Variants in SP3 observed in about 807,000 individuals in gnomAD.
The protein encoded by SP3 is Sp3 transcription factor, also known as transcription factor Sp3.
SP3 carries 10 observed loss-of-function variants against 70.3 expected under a neutral mutation model. The observed-to-expected ratio is 0.14, with a 90% CI of 0.09 to 0.24. The LOEUF (loss-of-function observed/expected upper bound fraction) is 0.24. SP3 is among the 10% of genes least tolerant of loss of function. The probability of loss-of-function intolerance (pLI) is 1.00; values close to 1 mark genes in which losing one functional copy is unlikely to be tolerated. For synonymous variants in SP3, 402 were observed against 333.5 expected (o/e 1.21, Z -2.24); for missense variants, 825 against 914.6 (o/e 0.90, Z 1.26).
In SP3 at chr2:173,907,603, T is replaced by C. The variant is rs971829583; in HGVS notation, c.*2338A>G. ...TGCATGGACACCTATCGATTCAAAGTACACCATAAACTTACTGTAAAAATC... is the reference window on the plus strand; with the variant it reads ...TGCATGGACACCTATCGATTCAAAGCACACCATAAACTTACTGTAAAAATC... On this transcript the variant is annotated 3_prime_UTR_variant, in exon 7 of 7. Transcript: ENST00000310015. The C allele has an allele frequency of 1.3e-5, 2 of 152,120 alleles. No individual in the cohort carries two copies. Among genetic ancestry groups the C allele is most frequent in the East Asian group, 3.8e-4 (2 of 5,202 alleles). 9.4% of individuals were successfully genotyped at this position (152,120 alleles called of 1,614,324 possible). A position where few individuals can be genotyped will look rare whatever the true frequency, so the allele number is the denominator to read the frequency against.
upstream of SP3, chr2:173,965,570 T>G: frequency 4.7e-6 from 1 of 214,938 alleles, no homozygotes; most frequent in Non-Finnish European, 9.4e-6. Context: ...GCTCGCCGGT[T>G]ACCCCGCTGT....
rs1218625600 is a variant in SP3 at position 173,956,163 on chromosome 2, T to C, written c.349A>G (p.Thr117Ala). The C allele has an allele frequency of 6.2e-7, 1 of 1,614,116 alleles. No homozygotes were observed. The highest frequency in any genetic ancestry group is 8.5e-7 in the Non-Finnish European group (1 of 1,179,974). ...TTACCAGCTTCATCTTTTATAGTTG[T>C]AGGTGTGGCTGACAAAACCTCCCAT... Reference protein sequence around the residue: ...NRWEVLSATPTTIKDEAGNLV... With the variant: ...NRWEVLSATPATIKDEAGNLV... The change falls in exon 4 of 7, where the codon ACA (threonine) becomes GCA (alanine). Residue 117 changes from threonine (T) to alanine (A), a missense_variant. By Grantham distance (58) the Thr-to-Ala change is moderately conservative. Around this residue, in one of 4 missense-constraint regions of SP3, gnomAD observed 678 missense variants for 651.6 expected, o/e 1.04. Coordinates refer to ENST00000310015, the MANE Select transcript of SP3 (RefSeq NM_003111.5).
At position 173,955,266 on chromosome 2, in the gene SP3, T is replaced by C. The variant is rs746253835; in HGVS notation, c.1246A>G (p.Ile416Val). The change falls in exon 4 of 7, where the codon ATT becomes GTT. Residue 416 changes from isoleucine (I) to valine (V), a missense_variant. Transcript: ENST00000310015. ...PTSQAQIVQG[I>V]TPQTIHGVQA... ...ACACCATGGATTGTCTGTGGTGTAA[T>C]ACCTTGCACAATTTGGGCTTGACTG... The C allele has an allele frequency of 2.5e-6, 4 of 1,614,148 alleles. No homozygotes were observed. The highest frequency in any genetic ancestry group is 2.5e-6 in the Non-Finnish European group (3 of 1,180,022).
At chr2:173,942,857 TG>T (rs1475561504) in intron 4 of SP3, among the ~76,000 whole-genome samples, 1 of 152,160 alleles carries the variant, frequency 6.6e-6, no homozygotes, top group Admixed American at 6.5e-5. Context: ...AAATCAAAAA[TG>T]TTTTTTTAAA....
chr2:173,912,568 A>C (rs896545670), intron 6 of SP3, among the ~76,000 whole-genome samples: 18 of 152,202 alleles, frequency 1.2e-4, no homozygotes, highest in African/African-American at 4.1e-4. Flanking sequence ...AACACTATGT[A>C]AAAATAATAT....
Position 173,909,970 on chromosome 2 carries a change from T to C in SP3, c.2317A>G (p.Thr773Ala). The change falls in exon 7 of 7, where the codon ACA (threonine) becomes GCA (alanine). Residue 773 changes from threonine (T) to alanine (A), a missense_variant. Thr to Ala is a moderately conservative substitution (Grantham distance 58). Transcript: ENST00000310015. ...TNTEIPLQLV[T>A]VSGNETME ...TCCATTGTCTCATTTCCAGAAACTG[T>C]GACAAGCTGTAAAGGTATTTCAGTG... 6.2e-7 allele frequency: 1 copy of C among 1,613,826 alleles called. No homozygotes were observed. Among genetic ancestry groups the C allele is most frequent in the Non-Finnish European group, 8.5e-7 (1 of 1,179,718 alleles).
At chr2:173,916,775 T>A (rs1297482057) in intron 5 of SP3, 1 of 152,044 alleles carries the variant, frequency 6.6e-6, no homozygotes, top group Non-Finnish European at 1.5e-5. Context: ...TCTGCCAACT[T>A]ATACAAATAA....
intron 4 of SP3, among the ~76,000 whole-genome samples, chr2:173,952,937 T>G (rs1690755975): frequency 1.3e-5 from 2 of 152,212 alleles, no homozygotes; most frequent in African/African-American, 4.8e-5. Flanking sequence ...GGTTTCCTTT[T>G]GAGGTAATAA....
chr2:173,931,254 C>T (rs1271915460), intron 4 of SP3, among the ~76,000 whole-genome samples: 11 of 152,130 alleles, frequency 7.2e-5, no homozygotes, highest in African/African-American at 1.9e-4. Context: ...GCTGGCTAGG[C>T]GCGGTGGTTC....
rs1690830106 is a variant in SP3, at chr2:173,954,938, G to C, written c.1574C>G (p.Thr525Arg). ...TGQLPNLQTV[T>R]VNSIDSAGIQ... Reference sequence around the variant, plus strand: ...ACCAGCAGAATCTATAGAGTTCACTGTAACTGTTTGTAGATTTGGCAACTG... The same window carrying C: ...ACCAGCAGAATCTATAGAGTTCACTCTAACTGTTTGTAGATTTGGCAACTG... Residue 525 changes from threonine to arginine, a missense_variant, in exon 4 of 7, where the codon ACA becomes AGA. Transcript: ENST00000310015. 1.2e-6 allele frequency: 2 copies of C among 1,614,148 alleles called. No homozygotes were observed. The highest frequency in any genetic ancestry group is 1.7e-6 in the Non-Finnish European group (2 of 1,179,996).
Position 173,963,863 on chromosome 2 carries a change from G to A in SP3, c.177C>T (p.Leu59=), listed in dbSNP as rs147918546. 1,442 of 1,508,654 alleles carry A rather than the reference G, an allele frequency of 9.6e-4. 1 individual carries two copies. Among genetic ancestry groups the A allele is most frequent in the Non-Finnish European group, 1.2e-3 (1,372 of 1,126,244 alleles). 93.5% of individuals were successfully genotyped at this position (1,508,654 alleles called of 1,614,324 possible). A position where few individuals can be genotyped will look rare whatever the true frequency, so the allele number is the denominator to read the frequency against. ...AAAQDTQPSP[L]ALLAATCSKI... ...TGCTGCAGGTAGCGGCCAGCAGAGC[G>A]AGCGGTGACGGCTGAGTGTCCTACC... The change falls in exon 3 of 7, where the codon CTC becomes CTT. Residue 59 remains leucine, a synonymous_variant. Coordinates refer to ENST00000310015, the MANE Select transcript of SP3 (RefSeq NM_003111.5).
chr2:173,924,508 G>A (rs1689853120), intron 4 of SP3, among the ~76,000 whole-genome samples: 1 of 152,160 alleles, frequency 6.6e-6, no homozygotes, highest in Non-Finnish European at 1.5e-5. Flanking sequence ...AAACACATAA[G>A]ATAAGGATTT....
Position 173,963,814 on chromosome 2 carries a change from C to A in SP3, c.226G>T (p.Asp76Tyr), listed in dbSNP as rs919851505. ...CSKIGPPSPGDDEEEAAAAAG... is the reference protein window; with the variant it reads ...CSKIGPPSPGYDEEEAAAAAG... ...GCGGCGGCCGCCTCCTCCTCGTCGTCGCCCGGCGATGGCGGCCCTATCTTG... is the reference window on the plus strand; with the variant it reads ...GCGGCGGCCGCCTCCTCCTCGTCGTAGCCCGGCGATGGCGGCCCTATCTTG... Residue 76 changes from aspartate (D) to tyrosine (Y), a missense_variant, in exon 3 of 7, where the codon GAC (aspartate) becomes TAC (tyrosine). Around this residue, in one of 4 missense-constraint regions of SP3, gnomAD observed 678 missense variants for 651.6 expected, o/e 1.04. Transcript: ENST00000310015. 1.4e-6 allele frequency: 2 copies of A among 1,468,882 alleles called. No homozygotes were observed. Among genetic ancestry groups the A allele is most frequent in the Non-Finnish European group, 1.8e-6 (2 of 1,101,166 alleles). The allele number at this position is 1,468,882 out of a possible 1,614,324, so 91.0% of individuals were successfully genotyped here. A position where few individuals can be genotyped will look rare whatever the true frequency, so the allele number is the denominator to read the frequency against.
rs4972619 is a variant in SP3 at position 173,905,450 on chromosome 2, C to A, written c.*4491G>T. Among the ~76,000 whole-genome samples the A allele has an allele frequency of 0.03, 4,632 of 152,124 alleles. 257 individuals carry two copies. Among genetic ancestry groups the A allele is most frequent in the African/African-American group, 0.11 (4,374 of 41,470 alleles). On this transcript the variant is annotated 3_prime_UTR_variant, in exon 7 of 7. Coordinates refer to ENST00000310015, the MANE Select transcript of SP3 (RefSeq NM_003111.5). ...CCAATATCACACATCTAGTAAGTAGCTTAGCATAGATTCAGAAGCAAGAGT... is the reference window on the plus strand; with the variant it reads ...CCAATATCACACATCTAGTAAGTAGATTAGCATAGATTCAGAAGCAAGAGT...
rs1427770022 is a variant in SP3, at chr2:173,906,295, C to T, written c.*3646G>A. Among the ~76,000 whole-genome samples the T allele has an allele frequency of 2.0e-5, 3 of 152,110 alleles. No individual in the cohort carries two copies. Among genetic ancestry groups the T allele is most frequent in the Admixed American group, 6.5e-5 (1 of 15,270 alleles). On this transcript the variant is annotated 3_prime_UTR_variant, in exon 7 of 7. Coordinates refer to ENST00000310015, the MANE Select transcript of SP3 (RefSeq NM_003111.5). ...CACTAATATATATATTTACATTATA[C>T]GCAAATCTGTCTGAACAAGGCAAGG...
In SP3 at chr2:173,912,267, C is replaced by T. The variant is rs1483897065; in HGVS notation, c.2029+803G>A. ...AGGTAATTTTATACAATACTGAAGG[C>T]CAAAGTAGGATATGTGAAGCAACGT... On this transcript the variant is annotated intron_variant, in intron 6 of 6. Transcript: ENST00000310015. 2.0e-5 allele frequency among the ~76,000 whole-genome samples: 3 copies of T among 152,122 alleles called. No individual in the cohort carries two copies. In the East Asian group the frequency reaches 5.8e-4, roughly 29 times the overall value.
At chr2:173,947,854 T>C (rs534186607) in intron 4 of SP3, among the ~76,000 whole-genome samples, 1 of 152,316 alleles carries the variant, frequency 6.6e-6, no homozygotes, top group South Asian at 2.1e-4. Flanking sequence ...AACTCATATA[T>C]AACTCTTGTA....
rs1220416494 is a variant in SP3 at position 173,906,103 on chromosome 2, T to C, written c.*3838A>G. Among the ~76,000 whole-genome samples the C allele has an allele frequency of 1.3e-5, 2 of 152,166 alleles. No homozygotes were observed. The highest frequency in any genetic ancestry group is 6.5e-5 in the Admixed American group (1 of 15,276). ...CACTGACAAAAAAAATTCTTCTCTT[T>C]TGCAATTTGGCAGCCCCTCTTAAAA... On this transcript the variant is annotated 3_prime_UTR_variant, in exon 7 of 7. Coordinates refer to ENST00000310015, the MANE Select transcript of SP3 (RefSeq NM_003111.5).
rs1283252860 is a variant in SP3, at chr2:173,906,065, A to G, written c.*3876T>C. 6.6e-6 allele frequency among the ~76,000 whole-genome samples: 1 copy of G among 152,150 alleles called. No homozygotes were observed. Among genetic ancestry groups the G allele is most frequent in the Non-Finnish European group, 1.5e-5 (1 of 68,012 alleles). On this transcript the variant is annotated 3_prime_UTR_variant, in exon 7 of 7. Coordinates refer to ENST00000310015, the MANE Select transcript of SP3 (RefSeq NM_003111.5). ...CTGGGGAGAAGGTGTAGGATTCCAA[A>G]AAGACTAGGAATCACTGACAAAAAA...
Sources: allele counts gnomAD v4.1 joint callset (sites outside exome capture counted in the v4.1 genomes callset), GRCh38; gene constraint gnomAD v4.1.1; regional missense constraint gnomAD v4.1.1; transcripts MANE v1.5; gene names NCBI Gene and HGNC (gene_info 2026-07-23, HGNC 2026-07-21).